Variants in ARID4B observed in about 807,000 individuals in gnomAD.
ARID4B encodes the protein AT-rich interaction domain 4B.
In ARID4B, 26 loss-of-function variants were observed where a neutral mutation model predicts 147.5. The ratio of observed to expected loss-of-function variants is 0.18; its 90% CI spans 0.13 to 0.24. The LOEUF is 0.24. ARID4B is among the 10% of genes least tolerant of loss of function. The probability of loss-of-function intolerance (pLI) is 1.00; values close to 1 mark genes in which losing one functional copy is unlikely to be tolerated. For synonymous variants in ARID4B, 512 were observed against 507.9 expected, an observed-to-expected ratio of 1.01 and a Z score of -0.11; for missense variants, 1,179 against 1,511.5, an observed-to-expected ratio of 0.78 and a Z score of 3.65.
chr1:235,199,790 A>G (rs1665761253), intron 17 of ARID4B, among the ~76,000 whole-genome samples: 1 of 152,238 alleles, frequency 6.6e-6, no homozygotes, highest in Non-Finnish European at 1.5e-5. Context: ...ATATTGGCAG[A>G]CAAGTATTTC....
chr1:235,220,131 C>G (rs940002433), intron 15 of ARID4B, among the ~76,000 whole-genome samples, 163 bp from the exon 16 acceptor site: 1 of 151,836 alleles, frequency 6.6e-6, no homozygotes, highest in Middle Eastern at 3.4e-3. Flanking sequence ...ACAAAAATAG[C>G]TAACAGCTAT....
At chr1:235,292,049 G>C (rs1672373908) in intron 2 of ARID4B, among the ~76,000 whole-genome samples, 1 of 152,130 alleles carries the variant, frequency 6.6e-6, no homozygotes, top group Non-Finnish European at 1.5e-5. Context: ...AAACTTTTCA[G>C]CCATATGTTT....
chr1:235,312,943 A>G (rs1223267403), intron 2 of ARID4B, among the ~76,000 whole-genome samples: 1 of 152,160 alleles, frequency 6.6e-6, no homozygotes, highest in Non-Finnish European at 1.5e-5. Flanking sequence ...ACTGCACTCC[A>G]GCCTGGGATG....
intron 17 of ARID4B, 47 bp from the exon 18 acceptor site, chr1:235,196,162 G>C (rs1459011403): frequency 2.1e-6 from 2 of 966,082 alleles, no homozygotes; most frequent in Non-Finnish European, 1.5e-6. Flanking sequence ...ATATACCACG[G>C]AAATAACCTA....
At chr1:235,168,895 G>A (rs559921550) in intron 23 of ARID4B, among the ~76,000 whole-genome samples, 12 of 152,258 alleles carry the variant, frequency 7.9e-5, no homozygotes, top group African/African-American at 2.2e-4. Flanking sequence ...AGGCTCCTGC[G>A]TGGGTCAAAG....
intron 19 of ARID4B, among the ~76,000 whole-genome samples, chr1:235,183,755 C>T (rs1293453524): frequency 1.5e-5 from 2 of 134,792 alleles, no homozygotes; most frequent in Non-Finnish European, 3.2e-5. Flanking sequence ...CCCTCCCTGC[C>T]TCCCTTCCTT....
intron 23 of ARID4B, among the ~76,000 whole-genome samples, chr1:235,171,552 G>C (rs892043408): frequency 2.6e-5 from 4 of 152,146 alleles, no homozygotes; most frequent in African/African-American, 9.7e-5. Flanking sequence ...TAACCCAGTA[G>C]AGAGGCTCTA....
chr1:235,236,536 T>G (rs1005487104), intron 8 of ARID4B, among the ~76,000 whole-genome samples: 1 of 149,780 alleles, frequency 6.7e-6, no homozygotes, highest in African/African-American at 2.5e-5. Flanking sequence ...GTGTTTGAGA[T>G]GGGGTCTTGC....
At chr1:235,266,040 G>T (rs931016636) in intron 2 of ARID4B, among the ~76,000 whole-genome samples, 3 of 152,138 alleles carry the variant, frequency 2.0e-5, no homozygotes, top group African/African-American at 7.2e-5. Flanking sequence ...GTGTATATAC[G>T]TGGGGAAGAG....
chr1:235,189,399 C>CAAAAAAAAAAAAAAAAAA (rs11299121), intron 19 of ARID4B, among the ~76,000 whole-genome samples: 3 of 58,918 alleles, frequency 5.1e-5, no homozygotes, highest in Admixed American at 2.7e-4. Flanking sequence ...GACTCAGTCT[C>CAAAAAAAAAAAAAAAAAA]AAAAAAAAAA....
intron 17 of ARID4B, among the ~76,000 whole-genome samples, chr1:235,199,957 C>T (rs1307357775): frequency 1.3e-5 from 2 of 149,834 alleles, no homozygotes; most frequent in Admixed American, 1.3e-4. Context: ...CAATACTACC[C>T]AAGTGTTCCT....
At position 235,229,267 on chromosome 1, in the gene ARID4B, A is replaced by C; in HGVS notation, c.861T>G (p.Asp287Glu). Residue 287 changes from aspartate (D) to glutamate (E), a missense_variant, in exon 11 of 24, where the codon GAT (aspartate) becomes GAG (glutamate). Asp to Glu is a conservative substitution (Grantham distance 45). Transcript: ENST00000264183. ...TGCTATTATCCTCCTTTTCTTTTTC[A>C]TCATCTTCCTCCTCCTCTTCTTCCT... The part of the protein sequence containing the change: ...EAEEEEEEED[D>E]EKEKEDNSSE... The C allele has an allele frequency of 6.2e-7, 1 of 1,612,166 alleles. No individual in the cohort carries two copies. Among genetic ancestry groups the C allele is most frequent in the South Asian group, 1.1e-5 (1 of 90,910 alleles).
chr1:235,182,801 A>G lies in ARID4B; in HGVS notation c.2126-8T>C. On this transcript the variant is annotated splice_region_variant and splice_polypyrimidine_tract_variant and intron_variant, in intron 19 of 23. Transcript: ENST00000264183. The stretch of plus-strand genomic sequence containing the variant: ...CAGCAGAACTTTCAGAAGCTAGAAA[A>G]TAACAGAAAAAAAAATGATGAGTAT... 1.9e-6 allele frequency: 3 copies of G among 1,568,380 alleles called. No individual in the cohort carries two copies. Among genetic ancestry groups the G allele is most frequent in the South Asian group, 1.2e-5 (1 of 83,746 alleles).
At chr1:235,264,513 C>G (rs1274883648) in intron 2 of ARID4B, among the ~76,000 whole-genome samples, 4 of 152,136 alleles carry the variant, frequency 2.6e-5, no homozygotes, top group Admixed American at 2.0e-4. Flanking sequence ...GGTCCTAATC[C>G]AAGCTCTACT....
At chr1:235,252,624 T>C (rs1669715343) in intron 6 of ARID4B, 106 bp downstream of exon 6, 3 of 857,178 alleles carry the variant, frequency 3.5e-6, no homozygotes, top group African/African-American at 3.4e-5. Context: ...TGTGTATTAA[T>C]GAACTTTCCT....
At chr1:235,233,671 G>T (rs771392521) in intron 9 of ARID4B, among the ~76,000 whole-genome samples, 3 of 152,106 alleles carry the variant, frequency 2.0e-5, no homozygotes, top group Non-Finnish European at 4.4e-5. Flanking sequence ...TCAGACTACT[G>T]CAAAAGTTGA....
rs569941020 is a variant in ARID4B at position 235,212,090 on chromosome 1, C to T, written c.1841+1679G>A. On this transcript the variant is annotated intron_variant, in intron 17 of 23. Transcript: ENST00000264183. ...CAAAACCCCATCTCTACTAAAAATA[C>T]GAAAATTAGCCAGGCACAATGGTGG... Among the ~76,000 whole-genome samples the T allele has an allele frequency of 8.6e-5, 13 of 152,032 alleles. No individual in the cohort carries two copies. In the South Asian group the frequency reaches 1.2e-3, roughly 15 times the overall value.
chr1:235,263,907 T>C (rs987105777), intron 2 of ARID4B, among the ~76,000 whole-genome samples: 3 of 151,332 alleles, frequency 2.0e-5, no homozygotes, highest in East Asian at 1.9e-4. Context: ...GGCAGGAGAA[T>C]GGCGTGAACC....
At position 235,327,749 on chromosome 1, in the gene ARID4B, G is replaced by A. The variant is rs1572259318; in HGVS notation, c.-50+20C>T. On this transcript the variant is annotated intron_variant, in intron 1 of 23. Coordinates refer to ENST00000264183, the MANE Select transcript of ARID4B (RefSeq NM_016374.6). ...AGAACCCCCTTAGGAGACCACGAAA[G>A]CCCCAGAAAATATCCCTACCTTCCT... The A allele has an allele frequency of 1.3e-5, 2 of 152,568 alleles. No homozygotes were observed. The highest frequency in any genetic ancestry group is 4.1e-4 in the South Asian group (2 of 4,854). The allele number at this position is 152,568 out of a possible 1,614,324, so 9.5% of individuals were successfully genotyped here. A position where few individuals can be genotyped will look rare whatever the true frequency, so the allele number is the denominator to read the frequency against.
Sources: allele counts gnomAD v4.1 joint callset (sites outside exome capture counted in the v4.1 genomes callset), GRCh38; gene constraint gnomAD v4.1.1; transcripts MANE v1.5; gene names NCBI Gene and HGNC (gene_info 2026-07-23, HGNC 2026-07-21).